CCDC7: variants seen among roughly 807,000 people sequenced by gnomAD.
CCDC7 encodes the protein coiled-coil domain-containing protein 7.
In CCDC7, 183 loss-of-function variants were observed where a neutral mutation model predicts 196.9. The observed-to-expected ratio is 0.93, with a 90% CI of 0.82 to 1.05. The LOEUF is 1.05. CCDC7 is among the 50% of genes least tolerant of loss of function. CCDC7 has a pLI of 0.00. For missense variants in CCDC7, 1,540 were observed against 1,482.2 expected (o/e 1.04, Z -0.64); for synonymous variants, 525 against 484.6 (o/e 1.08, Z -1.10).
chr10:32,820,057 C>G (rs1262881141), intron 31 of CCDC7, among the ~76,000 whole-genome samples: 9 of 152,158 alleles, frequency 5.9e-5, no homozygotes, highest in Non-Finnish European at 1.2e-4. Context: ...GATTGTATAT[C>G]TAGAAAACCC....
downstream of CCDC7, among the ~76,000 whole-genome samples, chr10:32,877,528 G>T (rs542898388): frequency 6.6e-6 from 1 of 152,172 alleles, no homozygotes; most frequent in African/African-American, 2.4e-5. Context: ...GGTGGTGATT[G>T]TTAGGGTTAT....
intron 25 of CCDC7, among the ~76,000 whole-genome samples, chr10:32,720,511 A>T (rs951736563): frequency 1.3e-5 from 2 of 152,132 alleles, no homozygotes; most frequent in Non-Finnish European, 2.9e-5. Flanking sequence ...ACCATGGCAC[A>T]TGTATACCTA....
At chr10:32,545,238 C>A (rs752610262) in intron 13 of CCDC7, among the ~76,000 whole-genome samples, 1 of 152,108 alleles carries the variant, frequency 6.6e-6, no homozygotes, top group Non-Finnish European at 1.5e-5. Flanking sequence ...GGAAAGAGGA[C>A]AACAATGTAA....
chr10:32,685,967 T>C lies in CCDC7; in HGVS notation c.2123-3T>C. The C allele has an allele frequency of 6.7e-7, 1 of 1,503,176 alleles. No individual in the cohort carries two copies. Among genetic ancestry groups the C allele is most frequent in the Non-Finnish European group, 9.0e-7 (1 of 1,106,646 alleles). 93.1% of individuals were successfully genotyped at this position (1,503,176 alleles called of 1,614,324 possible). ...GTGGAATAAATGTATTTTCTTTATG[T>C]AGCTCATAATGAAGTACCAAATGAA... On this transcript the variant is annotated splice_region_variant and splice_polypyrimidine_tract_variant and intron_variant, in intron 21 of 41. Coordinates refer to ENST00000639629, the Ensembl canonical transcript of CCDC7.
At chr10:32,752,947 A>G (rs2075880026) in intron 28 of CCDC7, among the ~76,000 whole-genome samples, 1 of 152,154 alleles carries the variant, frequency 6.6e-6, no homozygotes, top group East Asian at 1.9e-4. Flanking sequence ...ACTTGTTCAC[A>G]TGTGCTAATT....
At chr10:32,496,406 A>G (rs1445733294) in intron 9 of CCDC7, among the ~76,000 whole-genome samples, 1 of 152,198 alleles carries the variant, frequency 6.6e-6, no homozygotes, top group Non-Finnish European at 1.5e-5. Context: ...CCTGGCCAGA[A>G]CTTCCAATAC....
At chr10:32,518,597 AAT>A (rs1424628133) in intron 11 of CCDC7, 92 bp downstream of exon 12, 5 of 989,606 alleles carry the variant, frequency 5.1e-6, no homozygotes, top group Non-Finnish European at 6.9e-6. Flanking sequence ...AATGTTATAT[AAT>A]ATGTTTTTAC....
At chr10:32,655,755 C>T (rs1437801874) in intron 20 of CCDC7, among the ~76,000 whole-genome samples, 1 of 152,094 alleles carries the variant, frequency 6.6e-6, no homozygotes, top group East Asian at 1.9e-4. Flanking sequence ...GTATGTTGGC[C>T]AGGCTGGTCT....
intron 3 of CCDC7, among the ~76,000 whole-genome samples, chr10:32,459,590 G>A (rs1023665039): frequency 7.7e-6 from 1 of 129,948 alleles, no homozygotes; most frequent in Admixed American, 8.0e-5. Context: ...ATCTTTAACT[G>A]TTTTTCAGAG....
At chr10:32,610,588 A>G (rs1278366567) in intron 18 of CCDC7, among the ~76,000 whole-genome samples, 1 of 151,706 alleles carries the variant, frequency 6.6e-6, no homozygotes, top group Admixed American at 6.6e-5. Context: ...TACCCCCACA[A>G]CAGGCCCTGG....
intron 11 of CCDC7, among the ~76,000 whole-genome samples, chr10:32,528,602 AGTAGTATTCC>A (rs2049035730): frequency 6.6e-6 from 1 of 150,858 alleles, no homozygotes; most frequent in African/African-American, 2.4e-5. Context: ...TTTATGGCTG[AGTAGTATTCC>A]ATGGTATTCC....
At chr10:32,827,677 G>A (rs2091343453) in intron 32 of CCDC7, among the ~76,000 whole-genome samples, 1 of 152,052 alleles carries the variant, frequency 6.6e-6, no homozygotes, top group Non-Finnish European at 1.5e-5. Flanking sequence ...ATAGCGTTGG[G>A]AGAAATACCT....
intron 13 of CCDC7, among the ~76,000 whole-genome samples, chr10:32,549,386 TC>T (rs1474635904): frequency 2.6e-5 from 4 of 152,202 alleles, no homozygotes; most frequent in African/African-American, 7.2e-5. Flanking sequence ...TGCTGACTGT[TC>T]CTTTTGCCGT....
intron 33 of CCDC7, among the ~76,000 whole-genome samples, chr10:32,841,117 C>A (rs1318882362): frequency 1.3e-5 from 2 of 152,030 alleles, no homozygotes; most frequent in Non-Finnish European, 1.5e-5. Context: ...CTCACCACTT[C>A]TATTCAACAT....
At chr10:32,557,910 C>T (rs1259969523) in intron 13 of CCDC7, among the ~76,000 whole-genome samples, 1 of 152,130 alleles carries the variant, frequency 6.6e-6, no homozygotes, top group East Asian at 1.9e-4. Context: ...CCAGGCTGGT[C>T]TTGAATTCCT....
chr10:32,852,761 G>A (rs2093611751), intron 40 of CCDC7, among the ~76,000 whole-genome samples: 1 of 151,972 alleles, frequency 6.6e-6, no homozygotes, highest in Admixed American at 6.6e-5. Flanking sequence ...TTTACTACAT[G>A]CAATATAAAA....
chr10:32,722,313 G>A (rs570914713), intron 25 of CCDC7, among the ~76,000 whole-genome samples: 2 of 152,202 alleles, frequency 1.3e-5, no homozygotes, highest in South Asian at 4.2e-4. Flanking sequence ...CATAACAATG[G>A]AGGTTTTAGT....
At chr10:32,578,382 CTT>C (rs1491529441) in intron 16 of CCDC7, among the ~76,000 whole-genome samples, 1 of 151,482 alleles carries the variant, frequency 6.6e-6, no homozygotes, top group Non-Finnish European at 1.5e-5. Context: ...TTATTGTACA[CTT>C]TATTATTATT....
chr10:32,689,458 T>G (rs971093068), intron 23 of CCDC7, among the ~76,000 whole-genome samples: 1 of 151,650 alleles, frequency 6.6e-6, no homozygotes, highest in Non-Finnish European at 1.5e-5. Context: ...GCCCAAAAAC[T>G]TAATGGGCAC....
Sources: allele counts gnomAD v4.1 joint callset (sites outside exome capture counted in the v4.1 genomes callset), GRCh38; gene constraint gnomAD v4.1.1; transcripts MANE v1.5; gene names NCBI Gene and HGNC (gene_info 2026-07-23, HGNC 2026-07-21).